The following MUC17 variants were observed in gnomAD, a reference collection of about 807,000 sequenced individuals.
MUC17 encodes the protein mucin-17.
MUC17 carries 190 observed loss-of-function variants against 170.3 expected under a neutral mutation model. The observed-to-expected ratio is 1.12, with a 90% CI of 0.99 to 1.26. The LOEUF is 1.26. Ranked by LOEUF, MUC17 falls within the 50% of genes most tolerant of loss-of-function variation. The probability of loss-of-function intolerance (pLI) is 0.00; values close to 1 mark genes in which losing one functional copy is unlikely to be tolerated. For synonymous variants in MUC17, 2,325 were observed against 2,002.5 expected (o/e 1.16, Z -4.30); for missense variants, 6,415 against 5,530.0 (o/e 1.16, Z -5.08).
In MUC17 at chr7:101,037,911, T is replaced by C. The variant is rs751830299; in HGVS notation, c.6495T>C (p.Ser2165=). The C allele has an allele frequency of 2.5e-6, 4 of 1,609,860 alleles. No individual in the cohort carries two copies. Among genetic ancestry groups the C allele is most frequent in the Non-Finnish European group, 3.4e-6 (4 of 1,177,504 alleles). Residue 2165 remains serine, a synonymous_variant, in exon 3 of 13, where the codon AGT becomes AGC. Transcript: ENST00000306151. ...TYSDRRTPLT[S]MPVSTTVVAS... ...GTGACAGAAGAACTCCTTTAACAAG[T>C]ATGCCTGTCAGCACCACAGTGGTGG...
In MUC17 at chr7:101,037,671, A is replaced by C. The variant is rs1794533777; in HGVS notation, c.6255A>C (p.Ala2085=). 2 of 1,612,552 alleles carry C rather than the reference A, an allele frequency of 1.2e-6. No homozygotes were observed. The highest frequency in any genetic ancestry group is 1.7e-6 in the Non-Finnish European group (2 of 1,179,670). The change falls in exon 3 of 13, where the codon GCA becomes GCC. Residue 2085 remains alanine, a synonymous_variant. Coordinates refer to ENST00000306151, the MANE Select transcript of MUC17 (RefSeq NM_001040105.2). ...ATTCTACTGAAGCCAGTTCATCTGC[A>C]ACCGCTGAAGGTAGCAGCATGACAA... is the stretch of plus-strand genomic sequence containing the variant. The part of the protein sequence containing the change: ...VTNSTEASSS[A]TAEGSSMTIS...
rs372933320 is a variant in MUC17 at position 101,038,818 on chromosome 7, G to A, written c.7402G>A (p.Val2468Met). 6.2e-7 allele frequency: 1 copy of A among 1,612,006 alleles called. No individual in the cohort carries two copies. Among genetic ancestry groups the A allele is most frequent in the Non-Finnish European group, 8.5e-7 (1 of 1,179,294 alleles). Residue 2468 changes from valine (V) to methionine (M), a missense_variant, in exon 3 of 13, where the codon GTG becomes ATG. Coordinates refer to ENST00000306151, the MANE Select transcript of MUC17 (RefSeq NM_001040105.2). ...AAGTATGCCTGTCAGCACCACGCCG[G>A]TGGTCAGTTCTGAGGCTGGCACCCT... is the stretch of plus-strand genomic sequence containing the variant. ...LASMPVSTTP[V>M]VSSEAGTLST... is the part of the protein sequence containing the mutation.
Position 101,033,978 on chromosome 7 carries a change from C to T in MUC17, c.2562C>T (p.Ser854=). ...SSSPTPAEGT[S]MPTSTYSEGR... is the part of the protein sequence containing the mutation. Reference sequence around the variant, plus strand: ...CTCCTACACCTGCTGAAGGTACCAGCATGCCAACCTCAACTTATAGTGAAG... The same window carrying T: ...CTCCTACACCTGCTGAAGGTACCAGTATGCCAACCTCAACTTATAGTGAAG... The change falls in exon 3 of 13, where the codon AGC becomes AGT. Residue 854 remains serine, a synonymous_variant. Transcript: ENST00000306151. 6.2e-7 allele frequency: 1 copy of T among 1,603,088 alleles called. No individual in the cohort carries two copies. Among genetic ancestry groups the T allele is most frequent in the Non-Finnish European group, 8.5e-7 (1 of 1,173,908 alleles).
chr7:101,041,438 C>G lies in MUC17; in HGVS notation c.10022C>G (p.Pro3341Arg). ...TCAACTTATAGTGAAGGAAGCACTC[C>G]ACTAACAAATATGTCTTTCAGCACC... ...PTSTYSEGST[P>R]LTNMSFSTTP... Residue 3341 changes from proline to arginine, a missense_variant, in exon 3 of 13, where the codon CCA (proline) becomes CGA (arginine). Transcript: ENST00000306151. 6.2e-7 allele frequency: 1 copy of G among 1,614,168 alleles called. No homozygotes were observed.
intron 7 of MUC17, 46 bp downstream of exon 7, chr7:101,050,681 T>A: frequency 6.3e-7 from 1 of 1,594,202 alleles, no homozygotes; most frequent in Non-Finnish European, 8.5e-7. Flanking sequence ...GCATCAGAGC[T>A]GGGGCATGAC....
Position 101,048,270 on chromosome 7 carries a change from C to G in MUC17, c.12535+155C>G, listed in dbSNP as rs751167996. 2.8e-5 allele frequency: 20 copies of G among 703,630 alleles called. 1 individual carries two copies. The highest frequency in any genetic ancestry group is 4.1e-5 in the Non-Finnish European group (20 of 483,282). The allele number at this position is 703,630 out of a possible 1,614,324, so 43.6% of individuals were successfully genotyped here. A position where few individuals can be genotyped will look rare whatever the true frequency, so the allele number is the denominator to read the frequency against. On this transcript the variant is annotated intron_variant, in intron 4 of 12. Transcript: ENST00000306151. ...TTGTTTTGTTTTGTTTTGTTTCCAC[C>G]CAGTGCTATGAATGCTAAAGCATTA...
chr7:101,034,582 A>T lies in MUC17; in HGVS notation c.3166A>T (p.Ser1056Cys). The change falls in exon 3 of 13, where the codon AGT becomes TGT. Residue 1056 changes from serine (S) to cysteine (C), a missense_variant. Ser to Cys is a moderately radical substitution (Grantham distance 112). Transcript: ENST00000306151. Reference protein sequence around the residue: ...RMPVSTTMVASSETSTLSTTP... With the variant: ...RMPVSTTMVACSETSTLSTTP... ...GCCTGTCAGCACCACAATGGTGGCC[A>T]GTTCTGAAACGAGCACACTTTCAAC... 6.2e-7 allele frequency: 1 copy of T among 1,607,594 alleles called. No homozygotes were observed. The highest frequency in any genetic ancestry group is 8.5e-7 in the Non-Finnish European group (1 of 1,175,048).
rs778697357 is a variant in MUC17 at position 101,039,162 on chromosome 7, C to T, written c.7746C>T (p.Ser2582=). 2.5e-6 allele frequency: 4 copies of T among 1,613,866 alleles called. No individual in the cohort carries two copies. In the African/African-American group the frequency reaches 4.0e-5, roughly 16 times the overall value. ...GSTPLRSMPV[S]TKPLASSEAS... is the part of the protein sequence containing the mutation. ...CTCCATTAAGAAGTATGCCTGTCAGCACCAAGCCGTTGGCCAGTTCTGAGG... is the reference window on the plus strand; with the variant it reads ...CTCCATTAAGAAGTATGCCTGTCAGTACCAAGCCGTTGGCCAGTTCTGAGG... Residue 2582 remains serine, a synonymous_variant, in exon 3 of 13, where the codon AGC becomes AGT. Transcript: ENST00000306151.
rs769737481 is a variant in MUC17 at position 101,041,494 on chromosome 7, C to A, written c.10078C>A (p.Leu3360Ile). ...AGTGGTCAGTTCTGAGGCTAGCACC[C>A]TTTCCACAACTCCTGTTGACACCAG... ...TPVVSSEAST[L>I]STTPVDTSTP... Residue 3360 changes from leucine (L) to isoleucine (I), a missense_variant, in exon 3 of 13, where the codon CTT (leucine) becomes ATT (isoleucine). Leu to Ile is a conservative substitution (Grantham distance 5, BLOSUM62 2). Coordinates refer to ENST00000306151, the MANE Select transcript of MUC17 (RefSeq NM_001040105.2). 6.2e-7 allele frequency: 1 copy of A among 1,613,984 alleles called. No homozygotes were observed. Among genetic ancestry groups the A allele is most frequent in the Non-Finnish European group, 8.5e-7 (1 of 1,179,956 alleles).
rs1795081621 is a variant in MUC17 at position 101,058,146 on chromosome 7, A to G, written c.*102A>G. ...CCTTCCATGGGAACTCAATGTTCCC[A>G]TTGTAAGTACAGGAAACAAGCCCTG... is the stretch of plus-strand genomic sequence containing the variant. On this transcript the variant is annotated 3_prime_UTR_variant, in exon 13 of 13. Transcript: ENST00000306151. 2 of 1,064,538 alleles carry G rather than the reference A, an allele frequency of 1.9e-6. No homozygotes were observed. Among genetic ancestry groups the G allele is most frequent in the Non-Finnish European group, 2.9e-6 (2 of 688,448 alleles). The allele number at this position is 1,064,538 out of a possible 1,614,324, so 65.9% of individuals were successfully genotyped here. A position where few individuals can be genotyped will look rare whatever the true frequency, so the allele number is the denominator to read the frequency against.
At chr7:101,052,060 A>T (rs918072954) in intron 9 of MUC17, 98 bp downstream of exon 9, 1 of 1,413,172 alleles carries the variant, frequency 7.1e-7, no homozygotes. Context: ...GACCAAGGTC[A>T]TGGGACTAGG....
In MUC17 at chr7:101,042,033, A is replaced by T. The variant is rs777754891; in HGVS notation, c.10617A>T (p.Thr3539=). 1 of 1,613,666 alleles carries T rather than the reference A, an allele frequency of 6.2e-7. No homozygotes were observed. The highest frequency in any genetic ancestry group is 8.5e-7 in the Non-Finnish European group (1 of 1,179,878). ...GTTCTGAGGCTAGCACCCTTTCAAC[A>T]ACTCCTGTTGACTCCAACACTTTTG... is the stretch of plus-strand genomic sequence containing the variant. The part of the protein sequence containing the change: ...VASSEASTLS[T]TPVDSNTFVT... Residue 3539 remains threonine, a synonymous_variant, in exon 3 of 13, where the codon ACA becomes ACT. Coordinates refer to ENST00000306151, the MANE Select transcript of MUC17 (RefSeq NM_001040105.2).
intron 11 of MUC17, among the ~76,000 whole-genome samples, chr7:101,055,177 A>G (rs563872217): frequency 6.6e-6 from 1 of 152,270 alleles, no homozygotes; most frequent in African/African-American, 2.4e-5. Flanking sequence ...AGAAAATAAA[A>G]TGATAGGACG....
At chr7:101,023,069 G>GGGAA (rs71517132) in intron 1 of MUC17, among the ~76,000 whole-genome samples, 2,968 of 152,292 alleles carry the variant, frequency 0.019, 49 homozygotes, top group Non-Finnish European at 0.029. Context: ...GAAGTCGCCA[G>GGGAA]GGAAGGGTCT....
chr7:101,048,645 G>A (rs1372486585), intron 4 of MUC17, among the ~76,000 whole-genome samples, 200 bp from the exon 5 acceptor site: 1 of 151,188 alleles, frequency 6.6e-6, no homozygotes, highest in Non-Finnish European at 1.5e-5. Context: ...AAGAAAGAGG[G>A]AAAGAGATAA....
rs879209700 is a variant in MUC17, at chr7:101,032,893, C to A, written c.1477C>A (p.Pro493Thr). The A allele has an allele frequency of 6.2e-7, 1 of 1,613,042 alleles. No individual in the cohort carries two copies. The highest frequency in any genetic ancestry group is 8.5e-7 in the Non-Finnish European group (1 of 1,179,750). Residue 493 changes from proline to threonine, a missense_variant, in exon 3 of 13, where the codon CCT (proline) becomes ACT (threonine). By Grantham distance (38) the Pro-to-Thr change is conservative. Transcript: ENST00000306151. Reference protein sequence around the residue: ...VTTSTEASSSPPTAEVNSMPT... With the variant: ...VTTSTEASSSTPTAEVNSMPT... Reference sequence around the variant, plus strand: ...CACTTCTACTGAAGCCAGTTCATCTCCTCCAACTGCTGAAGTTAACAGCAT... The same window carrying A: ...CACTTCTACTGAAGCCAGTTCATCTACTCCAACTGCTGAAGTTAACAGCAT...
At chr7:101,047,623 A>C (rs1794864321) in intron 3 of MUC17, among the ~76,000 whole-genome samples, 2 of 152,134 alleles carry the variant, frequency 1.3e-5, no homozygotes, top group African/African-American at 4.8e-5. Context: ...TGAGGTCAGG[A>C]GTTTGAGACC....
At position 101,035,620 on chromosome 7, in the gene MUC17, C is replaced by A. The variant is rs1483984900; in HGVS notation, c.4204C>A (p.Pro1402Thr). 6.2e-7 allele frequency: 1 copy of A among 1,613,540 alleles called. No individual in the cohort carries two copies. Among genetic ancestry groups the A allele is most frequent in the South Asian group, 1.1e-5 (1 of 91,026 alleles). ...SEGTTPLTSI[P>T]VSTTPVVSSE... ...AGGAACCACTCCGTTAACAAGTATACCTGTCAGCACCACGCCGGTAGTCAG... is the reference window on the plus strand; with the variant it reads ...AGGAACCACTCCGTTAACAAGTATAACTGTCAGCACCACGCCGGTAGTCAG... Residue 1402 changes from proline to threonine, a missense_variant, in exon 3 of 13, where the codon CCT becomes ACT. Pro to Thr is a conservative substitution (Grantham distance 38, BLOSUM62 -1). Coordinates refer to ENST00000306151, the MANE Select transcript of MUC17 (RefSeq NM_001040105.2).
Position 101,036,154 on chromosome 7 carries a change from G to A in MUC17, c.4738G>A (p.Val1580Ile). 1.9e-6 allele frequency: 3 copies of A among 1,613,990 alleles called. No individual in the cohort carries two copies. Among genetic ancestry groups the A allele is most frequent in the Non-Finnish European group, 2.5e-6 (3 of 1,179,980 alleles). ...EGSTPLTSLP[V>I]STMLVVSSEA... is the part of the protein sequence containing the mutation. Reference sequence around the variant, plus strand: ...AAGCACTCCACTAACAAGTTTGCCTGTCAGCACCATGCTGGTGGTCAGTTC... The same window carrying A: ...AAGCACTCCACTAACAAGTTTGCCTATCAGCACCATGCTGGTGGTCAGTTC... The change falls in exon 3 of 13, where the codon GTC (valine) becomes ATC (isoleucine). Residue 1580 changes from valine to isoleucine, a missense_variant. Physicochemically the swap from Val to Ile is conservative, Grantham distance 29. Coordinates refer to ENST00000306151, the MANE Select transcript of MUC17 (RefSeq NM_001040105.2).
Sources: gnomAD v4.1 joint callset for allele counts (sites outside exome capture counted in the v4.1 genomes callset) on GRCh38, gnomAD v4.1.1 for gene constraint, MANE v1.5 for transcripts, NCBI Gene and HGNC (gene_info 2026-07-23, HGNC 2026-07-21) for gene names.